KLF8: variants seen among roughly 807,000 people sequenced by gnomAD.
KLF8 encodes the protein Krueppel-like factor 8.
In KLF8, 10 loss-of-function variants were observed where a neutral mutation model predicts 18.2. The ratio of observed to expected loss-of-function variants is 0.55; its 90% CI spans 0.34 to 0.93. The LOEUF is 0.93. Ranked by LOEUF, KLF8 falls within the 40% of genes least tolerant of loss-of-function variation. The pLI, the probability that KLF8 is intolerant of heterozygous loss-of-function variation, is 0.02. For missense variants in KLF8, 264 were observed against 277.9 expected, an observed-to-expected ratio of 0.95 and a Z score of 0.36; for synonymous variants, 109 against 97.3, an observed-to-expected ratio of 1.12 and a Z score of -0.71.
At chrX:56,004,145 G>A in the KLF8 span, among the ~76,000 whole-genome samples, 60 of 112,498 alleles carry the variant, frequency 5.3e-4, no homozygotes, top group Non-Finnish European at 1.9e-4. Flanking sequence ...GAACAGAAAT[G>A]AAGGAAGGAA....
chrX:56,128,832 T>C, the KLF8 span, among the ~76,000 whole-genome samples: 1 of 112,007 alleles, frequency 8.9e-6, no homozygotes, highest in African/African-American at 3.2e-5. Context: ...ACCCACAGTG[T>C]AGTTGGTGTG....
the KLF8 span, among the ~76,000 whole-genome samples, chrX:56,190,041 A>T: frequency 2.7e-5 from 3 of 110,520 alleles, no homozygotes; most frequent in African/African-American, 6.6e-5. Flanking sequence ...TTAAAAAAAT[A>T]AAAAAATAAA....
the KLF8 span, among the ~76,000 whole-genome samples, chrX:56,082,246 G>T: frequency 2.7e-5 from 3 of 111,460 alleles, no homozygotes; most frequent in African/African-American, 6.5e-5. Context: ...GTGTACAATT[G>T]TTTGTATTAT....
upstream of KLF8, among the ~76,000 whole-genome samples, chrX:56,232,080 T>C (rs2066407004): frequency 9.0e-6 from 1 of 111,573 alleles, no homozygotes; most frequent in Non-Finnish European, 1.9e-5. Flanking sequence ...CCTTTCCCTC[T>C]TAGACAGCCC....
At chrX:56,051,675 G>A in the KLF8 span, among the ~76,000 whole-genome samples, 5 of 110,379 alleles carry the variant, frequency 4.5e-5, 1 homozygote, top group Admixed American at 1.9e-4. Context: ...AGGGTAACCC[G>A]ACCTTTCTCT....
chrX:56,031,912 G>T, the KLF8 span, among the ~76,000 whole-genome samples: 5 of 111,532 alleles, frequency 4.5e-5, no homozygotes, highest in Non-Finnish European at 9.4e-5. Flanking sequence ...AGCGATCTAG[G>T]GGGTATGTGA....
chrX:56,075,587 G>T, the KLF8 span, among the ~76,000 whole-genome samples: 1 of 111,296 alleles, frequency 9.0e-6, no homozygotes, highest in Non-Finnish European at 1.9e-5. Flanking sequence ...ACTCCATTGT[G>T]CTATCAATTA....
chrX:55,990,247 T>C, the KLF8 span, among the ~76,000 whole-genome samples: 1 of 111,897 alleles, frequency 8.9e-6, no homozygotes, highest in African/African-American at 3.3e-5. Context: ...TGCTAGCTTT[T>C]GAATGAGTTT....
the KLF8 span, among the ~76,000 whole-genome samples, chrX:56,075,943 A>AT: frequency 1.8e-5 from 2 of 109,514 alleles, no homozygotes; most frequent in East Asian, 2.9e-4. Context: ...TGTTTCCAAA[A>AT]TTTTTTTTAT....
chrX:55,958,405 C>A, the KLF8 span, among the ~76,000 whole-genome samples: 1 of 111,890 alleles, frequency 8.9e-6, no homozygotes, highest in Non-Finnish European at 1.9e-5. Flanking sequence ...GGTTTTATAC[C>A]TTTAATCAGT....
chrX:56,057,756 C>T, the KLF8 span, among the ~76,000 whole-genome samples: 1 of 111,053 alleles, frequency 9.0e-6, no homozygotes, highest in Admixed American at 9.6e-5. Flanking sequence ...GGGCTAACGT[C>T]TCCTATGGGA....
At chrX:56,171,637 C>T in the KLF8 span, among the ~76,000 whole-genome samples, 4 of 111,408 alleles carry the variant, frequency 3.6e-5, no homozygotes, top group East Asian at 8.5e-4. Flanking sequence ...GATTTTTATC[C>T]TTGTGATGGT....
the KLF8 span, among the ~76,000 whole-genome samples, chrX:56,030,330 T>TGCTCCCAGCTA: frequency 2.7e-5 from 3 of 111,497 alleles, no homozygotes; most frequent in African/African-American, 9.8e-5. Flanking sequence ...GGCTGGGACA[T>TGCTCCCAGCTA]GCTCCTCTAG....
the KLF8 span, among the ~76,000 whole-genome samples, chrX:55,953,958 TA>T: frequency 6.4e-5 from 7 of 109,518 alleles, no homozygotes; most frequent in African/African-American, 2.0e-4. Context: ...TATGCATATA[TA>T]TTTTTTTTCT....
At position 56,284,759 on chromosome X, in the gene KLF8, TC is replaced by T. The variant is rs1053187653; in HGVS notation, c.*272del. 7.1e-5 allele frequency: 19 copies of T among 267,945 alleles called. No individual in the cohort carries two copies. Among genetic ancestry groups the T allele is most frequent in the Admixed American group, 6.6e-5 (1 of 15,206 alleles). The allele number at this position is 267,945 out of a possible 1,213,427, so 22.1% of individuals were successfully genotyped here. On this transcript the variant is annotated 3_prime_UTR_variant, in exon 6 of 6. Transcript: ENST00000468660. ...TGTGGCACCCATGGCTGCCTTCCCA[TC>T]CCCCCCTGCTCTGAAATAGGACATT...
chrX:56,209,360 T>G, the KLF8 span, among the ~76,000 whole-genome samples: 1 of 111,860 alleles, frequency 8.9e-6, no homozygotes, highest in Admixed American at 9.5e-5. Flanking sequence ...ACAGATGATG[T>G]GTGTTTCTTG....
chrX:55,918,713 G>A, the KLF8 span, among the ~76,000 whole-genome samples: 1 of 111,103 alleles, frequency 9.0e-6, no homozygotes, highest in Non-Finnish European at 1.9e-5. Flanking sequence ...TCTTCACATG[G>A]CTATGTCTGT....
the KLF8 span, among the ~76,000 whole-genome samples, chrX:55,944,522 C>G: frequency 2.7e-3 from 301 of 111,358 alleles, 2 homozygotes; most frequent in African/African-American, 9.1e-3. Context: ...TGTTATTGGT[C>G]TATTGAGAGA....
chrX:55,917,341 G>T, the KLF8 span, among the ~76,000 whole-genome samples: 2 of 111,963 alleles, frequency 1.8e-5, no homozygotes, highest in Non-Finnish European at 3.8e-5. Context: ...CCAATAAAAT[G>T]AATATGGGTT....
Sources: gnomAD v4.1 joint callset for allele counts (sites outside exome capture counted in the v4.1 genomes callset) on GRCh38, gnomAD v4.1.1 for gene constraint, MANE v1.5 for transcripts, NCBI Gene and HGNC (gene_info 2026-07-23, HGNC 2026-07-21) for gene names.